NOVA1: variants seen among roughly 807,000 people sequenced by gnomAD.
The protein encoded by NOVA1 is NOVA alternative splicing regulator 1, also known as RNA-binding protein Nova-1.
In NOVA1, 7 loss-of-function variants were observed where a neutral mutation model predicts 38.0. The observed-to-expected ratio is 0.18, with a 90% CI of 0.10 to 0.35. The LOEUF is 0.35. Among genes scored for constraint, NOVA1 ranks in the 10% least tolerant of loss-of-function variants. The pLI is 1.00. For synonymous variants in NOVA1, 270 were observed against 232.5 expected (o/e 1.16, Z -1.47); for missense variants, 460 against 616.0 (o/e 0.75, Z 2.68).
chr14:26,478,061 T>C (rs1885131349), intron 3 of NOVA1, among the ~76,000 whole-genome samples: 2 of 151,928 alleles, frequency 1.3e-5, no homozygotes, highest in Admixed American at 6.6e-5. Flanking sequence ...GTCTTACAAA[T>C]GGATGCAAAT....
At chr14:26,483,306 A>G (rs1885609256) in intron 2 of NOVA1, among the ~76,000 whole-genome samples, 1 of 152,140 alleles carries the variant, frequency 6.6e-6, no homozygotes, top group Admixed American at 6.5e-5. Context: ...GTGCCCCCTT[A>G]CCTACCAAGT....
Position 26,447,948 on chromosome 14 carries a change from A to C in NOVA1, c.*11T>G, listed in dbSNP as rs1299276156. On this transcript the variant is annotated 3_prime_UTR_variant, in exon 5 of 5. Transcript: ENST00000539517. ...GAGGGGTTAAAACAATCTGATGTGT[A>C]ACTGGGGCACTCAACCCACTTTCTG... 1 of 1,611,210 alleles carries C rather than the reference A, an allele frequency of 6.2e-7. No individual in the cohort carries two copies. Among genetic ancestry groups the C allele is most frequent in the Non-Finnish European group, 8.5e-7 (1 of 1,177,644 alleles).
At chr14:26,459,384 T>C (rs1173090802) in intron 4 of NOVA1, among the ~76,000 whole-genome samples, 4 of 152,070 alleles carry the variant, frequency 2.6e-5, no homozygotes, top group Non-Finnish European at 1.5e-5. Flanking sequence ...TTAGAAGCAA[T>C]AGGTTACACC....
chr14:26,562,298 C>G (rs1426033000), intron 2 of NOVA1, among the ~76,000 whole-genome samples: 1 of 152,268 alleles, frequency 6.6e-6, no homozygotes, highest in East Asian at 1.9e-4. Context: ...TCTGCTTCCT[C>G]ATTTGTATAA....
At chr14:26,540,320 C>T (rs1054954529) in intron 2 of NOVA1, among the ~76,000 whole-genome samples, 6 of 152,142 alleles carry the variant, frequency 3.9e-5, no homozygotes, top group African/African-American at 1.2e-4. Context: ...ATCTAGGCTG[C>T]GTGCTTCCCA....
rs1353809509 is a variant in NOVA1 at position 26,597,806 on chromosome 14, T to C, written c.-370A>G. Reference sequence around the variant, plus strand: ...GACCGGGGAGGACAGGCAGAGGGAGTGGGAGAGCGCGAGGGCTGGCGGGGC... The same window carrying C: ...GACCGGGGAGGACAGGCAGAGGGAGCGGGAGAGCGCGAGGGCTGGCGGGGC... On this transcript the variant is annotated 5_prime_UTR_variant, in exon 1 of 5. Transcript: ENST00000539517. 50 of 466,694 alleles carry C rather than the reference T, an allele frequency of 1.1e-4. No individual in the cohort carries two copies. Among genetic ancestry groups the C allele is most frequent in the Non-Finnish European group, 1.2e-4 (46 of 375,606 alleles). 28.9% of individuals were successfully genotyped at this position (466,694 alleles called of 1,614,324 possible).
Position 26,472,875 on chromosome 14 carries a change from C to T in NOVA1, c.448-484G>A, listed in dbSNP as rs145354923. On this transcript the variant is annotated intron_variant, in intron 3 of 4. Transcript: ENST00000539517. ...TACTTAATATGTTGAACATCACCAA[C>T]AAGTTGATTCCACATGAATTTAGGG... is the stretch of plus-strand genomic sequence containing the variant. Among the ~76,000 whole-genome samples, 1,305 of 152,102 alleles carry T rather than the reference C, an allele frequency of 8.6e-3. 13 individuals carry two copies. Among genetic ancestry groups the T allele is most frequent in the Middle Eastern group, 0.037 (11 of 294 alleles).
Position 26,521,582 on chromosome 14 carries a change from G to A in NOVA1, c.281-41439C>T, listed in dbSNP as rs992331096. Among the ~76,000 whole-genome samples, 12 of 151,910 alleles carry A rather than the reference G, an allele frequency of 7.9e-5. 1 individual carries two copies. The South Asian group carries it at 8.3e-4, about 11-fold the overall frequency. On this transcript the variant is annotated intron_variant, in intron 2 of 4. Coordinates refer to ENST00000539517, the MANE Select transcript of NOVA1 (RefSeq NM_002515.3). Reference sequence around the variant, plus strand: ...TTTAGGATTTGGTTAATTGATCATCGTATAAATATATTTCATTCTTTGTAA... The same window carrying A: ...TTTAGGATTTGGTTAATTGATCATCATATAAATATATTTCATTCTTTGTAA...
chr14:26,516,336 TTGA>T (rs1355163969), intron 2 of NOVA1, among the ~76,000 whole-genome samples: 1 of 152,214 alleles, frequency 6.6e-6, no homozygotes, highest in African/African-American at 2.4e-5. Flanking sequence ...TAATGGTGTC[TTGA>T]TGAGCAGAAG....
At chr14:26,524,322 C>T (rs906760335) in intron 2 of NOVA1, among the ~76,000 whole-genome samples, 9 of 152,230 alleles carry the variant, frequency 5.9e-5, no homozygotes, top group Admixed American at 1.3e-4. Flanking sequence ...TAAATGATGA[C>T]TGTAAGTCAC....
intron 2 of NOVA1, among the ~76,000 whole-genome samples, chr14:26,543,665 C>T (rs1396240412): frequency 6.6e-6 from 1 of 151,906 alleles, no homozygotes; most frequent in African/African-American, 2.4e-5. Context: ...CATGGAATTA[C>T]AGAAATGGAT....
At chr14:26,475,864 T>G (rs1459790447) in intron 3 of NOVA1, among the ~76,000 whole-genome samples, 1 of 152,096 alleles carries the variant, frequency 6.6e-6, no homozygotes, top group Non-Finnish European at 1.5e-5. Context: ...GGCCAGAGAA[T>G]ATTATTATTA....
chr14:26,504,447 C>T (rs1247779481), intron 2 of NOVA1, among the ~76,000 whole-genome samples: 7 of 152,084 alleles, frequency 4.6e-5, no homozygotes, highest in Non-Finnish European at 1.0e-4. Flanking sequence ...TTTCAACATC[C>T]TTATCTCTTC....
At chr14:26,472,227 C>A in intron 4 of NOVA1, 93 bp downstream of exon 4, 1 of 763,756 alleles carries the variant, frequency 1.3e-6, no homozygotes, top group Admixed American at 2.0e-5. Flanking sequence ...TGTGAATGAA[C>A]GAATAAATCC....
intron 2 of NOVA1, among the ~76,000 whole-genome samples, chr14:26,576,258 T>C (rs1202745325): frequency 1.3e-5 from 2 of 151,818 alleles, no homozygotes; most frequent in Non-Finnish European, 2.9e-5. Flanking sequence ...TGAACAGGTA[T>C]TATTCAGAAC....
chr14:26,536,410 C>T (rs1890102387), intron 2 of NOVA1, among the ~76,000 whole-genome samples: 1 of 151,668 alleles, frequency 6.6e-6, no homozygotes. Flanking sequence ...GGGAAGGATA[C>T]CCCCTTGCTA....
chr14:26,562,911 T>C (rs376735085), intron 2 of NOVA1, among the ~76,000 whole-genome samples: 1 of 152,210 alleles, frequency 6.6e-6, no homozygotes, highest in South Asian at 2.1e-4. Context: ...AAGGTTAAAA[T>C]GGACAGAAGC....
At chr14:26,535,092 G>A (rs905182578) in intron 2 of NOVA1, among the ~76,000 whole-genome samples, 6 of 152,188 alleles carry the variant, frequency 3.9e-5, no homozygotes, top group South Asian at 2.1e-4. Context: ...GACTACAGAA[G>A]CATAATAATC....
intron 2 of NOVA1, among the ~76,000 whole-genome samples, chr14:26,591,895 T>G (rs928985494): frequency 6.6e-6 from 1 of 151,456 alleles, no homozygotes; most frequent in Non-Finnish European, 1.5e-5. Flanking sequence ...AATTTCAAAT[T>G]TTAAATTAAG....
Sources: gnomAD v4.1 joint callset for allele counts (sites outside exome capture counted in the v4.1 genomes callset) on GRCh38, gnomAD v4.1.1 for gene constraint, MANE v1.5 for transcripts, NCBI Gene and HGNC (gene_info 2026-07-23, HGNC 2026-07-21) for gene names.